The following AUTS2 variants were observed in gnomAD, a reference collection of about 807,000 sequenced individuals.
AUTS2 encodes the protein autism susceptibility gene 2 protein.
Under a neutral mutation model 112.4 loss-of-function variants are expected in AUTS2, and 17 were observed. The ratio of observed to expected loss-of-function variants is 0.15; its 90% CI spans 0.10 to 0.23. The LOEUF is 0.23. Among genes scored for constraint, AUTS2 ranks in the 10% least tolerant of loss-of-function variants. AUTS2 has a pLI of 1.00. For synonymous variants in AUTS2, 751 were observed against 702.7 expected, an observed-to-expected ratio of 1.07 and a Z score of -1.09; for missense variants, 1,510 against 1,701.6, an observed-to-expected ratio of 0.89 and a Z score of 1.98.
chr7:69,792,791 C>G (rs2129327830), intron 1 of AUTS2, among the ~76,000 whole-genome samples: 1 of 152,178 alleles, frequency 6.6e-6, no homozygotes, highest in Middle Eastern at 3.4e-3. Context: ...CATTACCAGG[C>G]TTCATCAACA....
At chr7:70,652,932 T>TC (rs987538982) in intron 5 of AUTS2, among the ~76,000 whole-genome samples, 4 of 152,108 alleles carry the variant, frequency 2.6e-5, no homozygotes, top group African/African-American at 9.7e-5. Flanking sequence ...ATGACAATCC[T>TC]CCCCTCCCCT....
intron 4 of AUTS2, among the ~76,000 whole-genome samples, chr7:70,428,334 C>A (rs1482318955): frequency 6.6e-6 from 1 of 152,132 alleles, no homozygotes; most frequent in Non-Finnish European, 1.5e-5. Flanking sequence ...CCCATTTTTA[C>A]ATGAGCAAAG....
chr7:69,820,140 T>C (rs1196307396), intron 1 of AUTS2, among the ~76,000 whole-genome samples: 1 of 152,040 alleles, frequency 6.6e-6, no homozygotes, highest in Non-Finnish European at 1.5e-5. Flanking sequence ...AAAGAGCGGC[T>C]CCCACAGTGG....
chr7:69,761,691 A>C (rs1021153501), intron 1 of AUTS2, among the ~76,000 whole-genome samples: 2 of 152,186 alleles, frequency 1.3e-5, no homozygotes, highest in African/African-American at 2.4e-5. Flanking sequence ...GCCCCTAATT[A>C]ACTTCAGAAA....
At chr7:70,745,976 CT>C (rs1788425733) in intron 6 of AUTS2, among the ~76,000 whole-genome samples, 1 of 152,104 alleles carries the variant, frequency 6.6e-6, no homozygotes. Context: ...TATAAAGGAA[CT>C]TGCTTAGATT....
At chr7:69,950,333 G>A (rs1584483260) in intron 2 of AUTS2, among the ~76,000 whole-genome samples, 1 of 152,138 alleles carries the variant, frequency 6.6e-6, no homozygotes, top group Admixed American at 6.5e-5. Flanking sequence ...GCATGAGCAA[G>A]CAGAAATAAT....
intron 1 of AUTS2, among the ~76,000 whole-genome samples, chr7:69,631,179 TTTTTTTTTG>T (rs2129103490): frequency 6.6e-6 from 1 of 152,274 alleles, no homozygotes; most frequent in South Asian, 2.1e-4. Flanking sequence ...TACACACTTT[TTTTTTTTTG>T]TTTTAAGCTT....
At chr7:70,022,598 G>C (rs1217802873) in intron 2 of AUTS2, among the ~76,000 whole-genome samples, 2 of 152,114 alleles carry the variant, frequency 1.3e-5, no homozygotes, top group Non-Finnish European at 2.9e-5. Flanking sequence ...AGGGATTACA[G>C]ACATGAGCCA....
At chr7:70,179,072 T>A (rs1318870634) in intron 4 of AUTS2, among the ~76,000 whole-genome samples, 1 of 152,060 alleles carries the variant, frequency 6.6e-6, no homozygotes, top group East Asian at 1.9e-4. Flanking sequence ...TTTACCAGAG[T>A]CAGTTGGAAT....
chr7:69,838,073 G>A (rs1031074124), intron 1 of AUTS2, among the ~76,000 whole-genome samples: 1 of 152,178 alleles, frequency 6.6e-6, no homozygotes, highest in African/African-American at 2.4e-5. Context: ...AGTTGGGATT[G>A]TAGATTGGTA....
chr7:70,609,184 T>C (rs964694091), intron 5 of AUTS2, among the ~76,000 whole-genome samples: 1 of 152,162 alleles, frequency 6.6e-6, no homozygotes, highest in East Asian at 1.9e-4. Flanking sequence ...TCTGTCTAGC[T>C]GAAATTTTAC....
intron 4 of AUTS2, among the ~76,000 whole-genome samples, chr7:70,375,427 G>A (rs1793041352): frequency 1.3e-5 from 2 of 152,090 alleles, no homozygotes; most frequent in African/African-American, 2.4e-5. Flanking sequence ...TCTTTGTATT[G>A]GCTATTCATT....
rs142271801 is a variant in AUTS2, at chr7:69,910,651, C to T, written c.522+11153C>T. Among the ~76,000 whole-genome samples the T allele has an allele frequency of 3.1e-3, 465 of 152,210 alleles. 3 individuals are homozygous for T. The highest frequency in any genetic ancestry group is 0.01 in the African/African-American group (428 of 41,530). ...TATTTTATTTTTTATTTCTTTGAGA[C>T]GGAGTCTTGCTATGTCACCCAGGCT... On this transcript the variant is annotated intron_variant, in intron 2 of 18. Transcript: ENST00000342771.
chr7:69,985,263 C>T (rs868023448), intron 2 of AUTS2, among the ~76,000 whole-genome samples: 4 of 148,392 alleles, frequency 2.7e-5, no homozygotes, highest in Admixed American at 6.7e-5. Context: ...GAAAAGAAAA[C>T]GTGCCCTGTT....
chr7:70,398,918 T>G (rs1794202948), intron 4 of AUTS2, among the ~76,000 whole-genome samples: 1 of 152,086 alleles, frequency 6.6e-6, no homozygotes, highest in South Asian at 2.1e-4. Flanking sequence ...AATGAATGTT[T>G]GATTTTTGTG....
intron 6 of AUTS2, among the ~76,000 whole-genome samples, chr7:70,747,683 C>T (rs1356544739): frequency 6.6e-6 from 1 of 151,834 alleles, no homozygotes; most frequent in African/African-American, 2.4e-5. Context: ...GATGGGGTTT[C>T]GCTGTATTGG....
intron 1 of AUTS2, among the ~76,000 whole-genome samples, chr7:69,834,116 C>T (rs1026560095): frequency 1.3e-5 from 2 of 152,170 alleles, no homozygotes; most frequent in African/African-American, 4.8e-5. Flanking sequence ...TGCTCTTTCC[C>T]CTTCCCACTG....
At chr7:69,768,069 A>C (rs1363988372) in intron 1 of AUTS2, among the ~76,000 whole-genome samples, 2 of 152,118 alleles carry the variant, frequency 1.3e-5, no homozygotes, top group Non-Finnish European at 2.9e-5. Context: ...CTACCTTAGA[A>C]CCTTCTGCAG....
chr7:70,356,625 A>C (rs1396651704), intron 4 of AUTS2, among the ~76,000 whole-genome samples: 1 of 152,154 alleles, frequency 6.6e-6, no homozygotes, highest in Non-Finnish European at 1.5e-5. Context: ...TAAATGTGGT[A>C]TTATTGCAAA....
Sources: gnomAD v4.1 joint callset for allele counts (sites outside exome capture counted in the v4.1 genomes callset) on GRCh38, gnomAD v4.1.1 for gene constraint, MANE v1.5 for transcripts, NCBI Gene and HGNC (gene_info 2026-07-23, HGNC 2026-07-21) for gene names.